CSMD1: variants seen among roughly 807,000 people sequenced by gnomAD.
CSMD1 encodes the protein CUB and sushi domain-containing protein 1.
In CSMD1, 213 loss-of-function variants were observed where a neutral mutation model predicts 417.5. That is an observed-to-expected ratio of 0.51 (90% CI 0.46 to 0.57). The LOEUF (loss-of-function observed/expected upper bound fraction) is 0.57, where lower values mean the gene tolerates loss of function less well. Among genes scored for constraint, CSMD1 ranks in the 20% least tolerant of loss-of-function variants. CSMD1 has a pLI of 0.00. For synonymous variants in CSMD1, 2,862 were observed against 1,736.8 expected (o/e 1.65, Z -16.11); for missense variants, 6,923 against 4,529.7 (o/e 1.53, Z -15.17).
intron 10 of CSMD1, among the ~76,000 whole-genome samples, chr8:3,523,538 C>T (rs1033190752): frequency 6.6e-6 from 1 of 152,152 alleles, no homozygotes; most frequent in African/African-American, 2.4e-5. Context: ...CACACACACG[C>T]ACACCCAGAC....
chr8:4,363,522 G>A (rs894556394), intron 3 of CSMD1, among the ~76,000 whole-genome samples: 2 of 152,110 alleles, frequency 1.3e-5, no homozygotes, highest in East Asian at 1.9e-4. Flanking sequence ...GCAAAGCTAA[G>A]AAAGAAGAGC....
At chr8:4,174,389 T>C (rs566121460) in intron 3 of CSMD1, among the ~76,000 whole-genome samples, 11 of 152,012 alleles carry the variant, frequency 7.2e-5, no homozygotes, top group South Asian at 6.2e-4. Flanking sequence ...CAAGGCCTAA[T>C]TCCTTTAAAT....
intron 25 of CSMD1, among the ~76,000 whole-genome samples, chr8:3,290,278 T>A (rs375922784): frequency 6.8e-6 from 1 of 147,158 alleles, no homozygotes; most frequent in Non-Finnish European, 1.5e-5. Flanking sequence ...CCAGCTTTGT[T>A]CTTTTGGCTT....
intron 1 of CSMD1, among the ~76,000 whole-genome samples, chr8:4,672,422 T>C (rs1805387873): frequency 6.6e-6 from 1 of 152,098 alleles, no homozygotes; most frequent in Admixed American, 6.5e-5. Context: ...GCAGAAAATA[T>C]TTGTAGTGTA....
chr8:4,326,954 G>A lies in CSMD1; in HGVS notation c.415+92999C>T, dbSNP rs573573246. On this transcript the variant is annotated intron_variant, in intron 3 of 69. Coordinates refer to ENST00000635120, the MANE Select transcript of CSMD1 (RefSeq NM_033225.6). ...CTCAAGGAATGTCTACTTTGGAAGTGCAGGTGAAAAAATAGGTTAATGAAG... is the reference window on the plus strand; with the variant it reads ...CTCAAGGAATGTCTACTTTGGAAGTACAGGTGAAAAAATAGGTTAATGAAG... Among the ~76,000 whole-genome samples, 8 of 152,282 alleles carry A rather than the reference G, an allele frequency of 5.3e-5. No individual in the cohort carries two copies. The East Asian group carries it at 1.2e-3, about 22-fold the overall frequency.
At chr8:3,635,021 A>G (rs940442608) in intron 7 of CSMD1, among the ~76,000 whole-genome samples, 5 of 151,874 alleles carry the variant, frequency 3.3e-5, no homozygotes, top group African/African-American at 4.8e-5. Context: ...AACATTGAAA[A>G]ACTAAGGTAA....
intron 1 of CSMD1, among the ~76,000 whole-genome samples, chr8:4,895,044 A>G (rs1804385475): frequency 6.6e-6 from 1 of 152,182 alleles, no homozygotes; most frequent in African/African-American, 2.4e-5. Context: ...ATTGATAAGA[A>G]TATCTGTTTT....
intron 5 of CSMD1, among the ~76,000 whole-genome samples, chr8:3,953,253 GA>G (rs1811707516): frequency 6.6e-6 from 1 of 152,036 alleles, no homozygotes; most frequent in Non-Finnish European, 1.5e-5. Context: ...AGGAGTTAAG[GA>G]GAAGTTTTTA....
chr8:4,510,156 C>A (rs961093356), intron 2 of CSMD1, among the ~76,000 whole-genome samples: 2 of 152,044 alleles, frequency 1.3e-5, no homozygotes, highest in Non-Finnish European at 2.9e-5. Context: ...TTGCCTGCTG[C>A]CATGGAAGAC....
At chr8:3,924,261 C>T (rs1268156787) in intron 5 of CSMD1, among the ~76,000 whole-genome samples, 5 of 152,172 alleles carry the variant, frequency 3.3e-5, no homozygotes, top group African/African-American at 1.2e-4. Context: ...GTAGGGATAC[C>T]TTATATGTTG....
chr8:3,669,584 C>G (rs566872560), intron 7 of CSMD1, among the ~76,000 whole-genome samples: 139 of 152,306 alleles, frequency 9.1e-4, no homozygotes, highest in African/African-American at 3.1e-3. Flanking sequence ...GAATGAGACT[C>G]TTCCGGACAG....
At chr8:4,720,758 T>C (rs542619313) in intron 1 of CSMD1, among the ~76,000 whole-genome samples, 15 of 152,168 alleles carry the variant, frequency 9.9e-5, no homozygotes, top group Non-Finnish European at 1.8e-4. Flanking sequence ...ATAAAGTTTC[T>C]GAAAAATCAT....
At position 4,236,039 on chromosome 8, in the gene CSMD1, G is replaced by GTTTTTTTTTTTTTTTTTTT. The variant is rs869245155; in HGVS notation, c.415+183895_415+183913dup. On this transcript the variant is annotated intron_variant, in intron 3 of 69. Coordinates refer to ENST00000635120, the MANE Select transcript of CSMD1 (RefSeq NM_033225.6). ...TTAATGGATATTGTTTTTTTTGTTT[G>GTTTTTTTTTTTTTTTTTTT]TTTTTTTTTTTTTTTTTTTTTTTTT... is the stretch of plus-strand genomic sequence containing the variant. Among the ~76,000 whole-genome samples, 100 of 31,612 alleles carry GTTTTTTTTTTTTTTTTTTT rather than the reference G, an allele frequency of 3.2e-3. 2 individuals are homozygous for GTTTTTTTTTTTTTTTTTTT. The highest frequency in any genetic ancestry group is 6.8e-3 in the African/African-American group (98 of 14,468). The allele number at this position is 31,612 out of a possible 152,430, so 20.7% of individuals were successfully genotyped here.
At chr8:4,149,418 A>G (rs1024801654) in intron 3 of CSMD1, among the ~76,000 whole-genome samples, 3 of 152,242 alleles carry the variant, frequency 2.0e-5, no homozygotes, top group African/African-American at 4.8e-5. Context: ...GCTCTGAGCA[A>G]TATTTGAACG....
intron 23 of CSMD1, among the ~76,000 whole-genome samples, chr8:3,337,868 T>C (rs1447486967): frequency 6.6e-6 from 1 of 152,206 alleles, no homozygotes; most frequent in Non-Finnish European, 1.5e-5. Flanking sequence ...ATGATGTTTC[T>C]TCTACCTCTG....
chr8:3,631,559 A>C (rs1291900046), intron 7 of CSMD1, among the ~76,000 whole-genome samples: 2 of 152,232 alleles, frequency 1.3e-5, no homozygotes, highest in African/African-American at 4.8e-5. Context: ...GTTTGCAAAC[A>C]GTTTGAAATG....
chr8:4,379,852 A>C (rs769848680), intron 3 of CSMD1, among the ~76,000 whole-genome samples: 3 of 152,208 alleles, frequency 2.0e-5, no homozygotes, highest in Admixed American at 2.0e-4. Flanking sequence ...CCCTGCTAGG[A>C]GACAGTGATG....
intron 21 of CSMD1, among the ~76,000 whole-genome samples, chr8:3,351,154 C>T (rs1808395857): frequency 6.6e-6 from 1 of 152,152 alleles, no homozygotes; most frequent in Admixed American, 6.5e-5. Context: ...GTAATAATAG[C>T]TCATTTATTC....
intron 12 of CSMD1, among the ~76,000 whole-genome samples, chr8:3,415,105 TCA>T (rs1255432705): frequency 1.3e-5 from 2 of 152,218 alleles, no homozygotes; most frequent in East Asian, 3.9e-4. Flanking sequence ...TTATTCGCAC[TCA>T]CATTTACATA....
Sources: allele counts gnomAD v4.1 joint callset (sites outside exome capture counted in the v4.1 genomes callset), GRCh38; gene constraint gnomAD v4.1.1; transcripts MANE v1.5; gene names NCBI Gene and HGNC (gene_info 2026-07-23, HGNC 2026-07-21).